COL21A1: variants seen among roughly 807,000 people sequenced by gnomAD.
COL21A1 encodes the protein collagen type XXI alpha 1 chain.
COL21A1 carries 149 observed loss-of-function variants against 137.9 expected under a neutral mutation model. That is an observed-to-expected ratio of 1.08 (90% CI 0.95 to 1.24). The LOEUF is 1.24. COL21A1 is among the 50% of genes most tolerant of loss of function. The pLI, the probability that COL21A1 is intolerant of heterozygous loss-of-function variation, is 0.00. For synonymous variants in COL21A1, 456 were observed against 391.5 expected (o/e 1.16, Z -1.95); for missense variants, 1,167 against 1,158.4 (o/e 1.01, Z -0.11).
intron 1 of COL21A1, among the ~76,000 whole-genome samples, chr6:56,354,949 G>A (rs963425000): frequency 6.6e-6 from 1 of 152,124 alleles, no homozygotes; most frequent in African/African-American, 2.4e-5. Flanking sequence ...GTCACCATTG[G>A]ACAGTAATAA....
intron 22 of COL21A1, among the ~76,000 whole-genome samples, chr6:56,067,874 G>GC (rs1562144069): frequency 6.6e-6 from 1 of 151,590 alleles, no homozygotes. Flanking sequence ...CTTATACAAT[G>GC]CCCTTGTTTT....
intron 1 of COL21A1, among the ~76,000 whole-genome samples, chr6:56,206,689 AATAAATAAATATATATATATATATATAT>A (rs1561983658): frequency 4.5e-5 from 1 of 22,200 alleles, no homozygotes; most frequent in Non-Finnish European, 9.2e-5. Flanking sequence ...AAAATAAATA[AATAAATAAATATATATATATATATATAT>A]ATATATATAT....
At chr6:56,124,329 C>T in intron 14 of COL21A1, 37 bp from the exon 15 acceptor site, 2 of 1,561,090 alleles carry the variant, frequency 1.3e-6, no homozygotes, top group East Asian at 2.3e-5. Context: ...ACAATCTTTA[C>T]AATAATGTTT....
intron 1 of COL21A1, chr6:56,331,951 T>G (rs1029876019): frequency 6.6e-6 from 1 of 152,020 alleles, no homozygotes; most frequent in African/African-American, 2.4e-5. Context: ...TATTTACAGA[T>G]AAAAACAGGC....
intron 1 of COL21A1, among the ~76,000 whole-genome samples, chr6:56,309,445 G>C (rs1365400105): frequency 2.6e-5 from 4 of 152,218 alleles, no homozygotes; most frequent in African/African-American, 7.2e-5. Context: ...AGTTTAGAGA[G>C]AGTGTCTTTG....
intron 9 of COL21A1, among the ~76,000 whole-genome samples, chr6:56,161,943 A>T (rs1252134278): frequency 6.6e-6 from 1 of 152,124 alleles, no homozygotes; most frequent in East Asian, 1.9e-4. Flanking sequence ...CTAAAACTCT[A>T]TTTCTGGTTA....
intron 1 of COL21A1, among the ~76,000 whole-genome samples, chr6:56,372,346 G>GC (rs2093991022): frequency 6.6e-6 from 1 of 152,136 alleles, no homozygotes; most frequent in Non-Finnish European, 1.5e-5. Flanking sequence ...ATCTGAGAAA[G>GC]CATTTACACA....
intron 1 of COL21A1, among the ~76,000 whole-genome samples, chr6:56,393,445 T>A (rs1238167203): frequency 1.3e-5 from 2 of 150,604 alleles, no homozygotes; most frequent in Non-Finnish European, 3.0e-5. Context: ...GGGCAAAGAT[T>A]TTTGGAGTAA....
chr6:56,167,500 G>A (rs1016151637), intron 6 of COL21A1, among the ~76,000 whole-genome samples: 1 of 152,166 alleles, frequency 6.6e-6, no homozygotes, highest in Admixed American at 6.5e-5. Flanking sequence ...GTGTAAACAC[G>A]TATATGAAAA....
At chr6:56,337,395 G>C (rs1379350121) in intron 1 of COL21A1, among the ~76,000 whole-genome samples, 1 of 152,176 alleles carries the variant, frequency 6.6e-6, no homozygotes, top group Non-Finnish European at 1.5e-5. Context: ...TTTCTTCAAG[G>C]GGGTCTGCCT....
chr6:56,263,828 C>A (rs561282219), intron 1 of COL21A1, among the ~76,000 whole-genome samples: 2 of 152,292 alleles, frequency 1.3e-5, no homozygotes, highest in African/African-American at 2.4e-5. Context: ...AAGCTTCATA[C>A]AATTCATGCG....
At chr6:56,361,091 CTCAA>C (rs143592955) in intron 1 of COL21A1, among the ~76,000 whole-genome samples, 3 of 151,802 alleles carry the variant, frequency 2.0e-5, no homozygotes, top group Admixed American at 1.3e-4. Context: ...AAGACTCCGT[CTCAA>C]TCAATCAATC....
intron 1 of COL21A1, among the ~76,000 whole-genome samples, chr6:56,320,423 G>T (rs1582778100): frequency 6.6e-6 from 1 of 151,778 alleles, no homozygotes; most frequent in Non-Finnish European, 1.5e-5. Flanking sequence ...GTAAGACCAG[G>T]CCACTTCCAA....
At chr6:56,161,463 T>C (rs926361289) in intron 9 of COL21A1, among the ~76,000 whole-genome samples, 2 of 152,052 alleles carry the variant, frequency 1.3e-5, no homozygotes, top group Admixed American at 6.6e-5. Context: ...GCGCGTTCCA[T>C]ATAGGTTAAA....
At chr6:56,135,125 AAAG>A (rs1445440757) in intron 12 of COL21A1, among the ~76,000 whole-genome samples, 10 of 152,178 alleles carry the variant, frequency 6.6e-5, no homozygotes, top group African/African-American at 2.4e-4. Context: ...TAGGAGAAAA[AAAG>A]AAGAAAAAAC....
chr6:56,298,105 TA>T (rs111713033), intron 1 of COL21A1, among the ~76,000 whole-genome samples: 241 of 142,762 alleles, frequency 1.7e-3, no homozygotes, highest in African/African-American at 3.0e-3. Flanking sequence ...GATGCTAAAT[TA>T]AAAAAAAAAA....
At chr6:56,079,398 T>A (rs17751067) in intron 17 of COL21A1, among the ~76,000 whole-genome samples, 23,034 of 151,728 alleles carry the variant, frequency 0.15, 1,778 homozygotes, top group Middle Eastern at 0.22. Flanking sequence ...CAAGTCCCTG[T>A]GCCCTTACAC....
chr6:56,277,728 A>G (rs1313873548), intron 1 of COL21A1, among the ~76,000 whole-genome samples: 19 of 152,236 alleles, frequency 1.2e-4, no homozygotes, highest in Non-Finnish European at 2.5e-4. Context: ...CAGATATTAA[A>G]CATTCTCAGT....
At chr6:56,079,646 A>G (rs1767576041) in intron 17 of COL21A1, among the ~76,000 whole-genome samples, 2 of 151,588 alleles carry the variant, frequency 1.3e-5, no homozygotes, top group South Asian at 4.1e-4. Flanking sequence ...AGTAGAACAT[A>G]GCCACAAATC....
Sources: gnomAD v4.1 joint callset for allele counts (sites outside exome capture counted in the v4.1 genomes callset) on GRCh38, gnomAD v4.1.1 for gene constraint, MANE v1.5 for transcripts, NCBI Gene and HGNC (gene_info 2026-07-23, HGNC 2026-07-21) for gene names.